CLVS1: variants seen among roughly 807,000 people sequenced by gnomAD.
The protein encoded by CLVS1 is clavesin-1.
CLVS1 carries 10 observed loss-of-function variants against 33.1 expected under a neutral mutation model. The observed-to-expected ratio is 0.30, with a 90% CI of 0.19 to 0.51. CLVS1 has a LOEUF of 0.51. Among genes scored for constraint, CLVS1 ranks in the 20% least tolerant of loss-of-function variants. The pLI is 0.97. For synonymous variants in CLVS1, 163 were observed against 166.1 expected (o/e 0.98, Z 0.14); for missense variants, 343 against 433.4 (o/e 0.79, Z 1.85).
At position 61,251,849 on chromosome 8, in the gene CLVS1, C is replaced by G. The variant is rs188283027; in HGVS notation, c.-151-47828C>G. On this transcript the variant is annotated intron_variant, in intron 2 of 2. Transcript: ENST00000522621. ...CTAGCAGTCTATCTATTTTGTTGAT[C>G]TTTTCAAAAAACCAGCTTCTGAATT... Among the ~76,000 whole-genome samples, 347 of 152,038 alleles carry G rather than the reference C, an allele frequency of 2.3e-3. 1 individual carries two copies. Among genetic ancestry groups the G allele is most frequent in the African/African-American group, 8.0e-3 (332 of 41,498 alleles).
At chr8:61,274,154 G>A (rs1261564312) in intron 2 of CLVS1, 1 of 152,192 alleles carries the variant, frequency 6.6e-6, no homozygotes, top group African/African-American at 2.4e-5. Flanking sequence ...CATGGTATTA[G>A]GCAATCAACA....
chr8:61,200,100 T>C (rs1438401933), intron 2 of CLVS1, among the ~76,000 whole-genome samples: 1 of 152,130 alleles, frequency 6.6e-6, no homozygotes, highest in Admixed American at 6.6e-5. Flanking sequence ...AAATTTTCCA[T>C]GGAAAAAACA....
At chr8:60,992,152 T>G in the CLVS1 span, among the ~76,000 whole-genome samples, 1 of 152,200 alleles carries the variant, frequency 6.6e-6, no homozygotes, top group African/African-American at 2.4e-5. Flanking sequence ...CCCTTTACTA[T>G]ATGCTCTCAA....
chr8:61,017,150 T>A, the CLVS1 span, among the ~76,000 whole-genome samples: 7 of 152,280 alleles, frequency 4.6e-5, no homozygotes, highest in East Asian at 1.4e-3. Flanking sequence ...CTGGTGGGAT[T>A]TTTGGGCTCA....
At chr8:61,168,214 C>A (rs1806920894) in intron 2 of CLVS1, among the ~76,000 whole-genome samples, 1 of 152,212 alleles carries the variant, frequency 6.6e-6, no homozygotes, top group South Asian at 2.1e-4. Flanking sequence ...CACTAGCCCT[C>A]TTTTTGGGGT....
intron 2 of CLVS1, among the ~76,000 whole-genome samples, chr8:61,158,770 G>T (rs1806696570): frequency 6.6e-6 from 1 of 152,122 alleles, no homozygotes; most frequent in Non-Finnish European, 1.5e-5. Flanking sequence ...AAAAAAATTT[G>T]CCACAGCATG....
intron 2 of CLVS1, among the ~76,000 whole-genome samples, chr8:61,171,095 C>T (rs191409763): frequency 4.5e-4 from 69 of 151,864 alleles, no homozygotes; most frequent in African/African-American, 1.4e-3. Flanking sequence ...GAATGAGTTT[C>T]GCAGCTTTCT....
At chr8:61,145,375 T>C (rs1375349046) in intron 2 of CLVS1, among the ~76,000 whole-genome samples, 1 of 152,184 alleles carries the variant, frequency 6.6e-6, no homozygotes, top group Non-Finnish European at 1.5e-5. Context: ...ACACATACAC[T>C]GAAATAAAAA....
chr8:61,272,605 A>C (rs1369417962), intron 2 of CLVS1, among the ~76,000 whole-genome samples: 1 of 152,120 alleles, frequency 6.6e-6, no homozygotes, highest in Non-Finnish European at 1.5e-5. Flanking sequence ...ACTTGGTTCC[A>C]TTCTCCCCAT....
chr8:61,168,499 T>C (rs1305213041), intron 2 of CLVS1, among the ~76,000 whole-genome samples: 2 of 152,202 alleles, frequency 1.3e-5, no homozygotes, highest in Non-Finnish European at 2.9e-5. Context: ...AGAAAATAAT[T>C]ATATTTTAGA....
the CLVS1 span, among the ~76,000 whole-genome samples, chr8:61,030,711 C>T: frequency 2.6e-5 from 4 of 152,194 alleles, no homozygotes; most frequent in African/African-American, 9.7e-5. Flanking sequence ...ATATTATGTG[C>T]CAGGCATCAG....
At chr8:61,067,549 C>CTATTTTTTA (rs1804705638) in intron 1 of CLVS1, among the ~76,000 whole-genome samples, 1 of 151,492 alleles carries the variant, frequency 6.6e-6, no homozygotes, top group South Asian at 2.1e-4. Flanking sequence ...AAAAAATCCA[C>CTATTTTTTA]AATAGTTCAA....
In CLVS1 at chr8:61,061,696, C is replaced by T. The variant is rs116759367; in HGVS notation, c.-243+4466C>T. On this transcript the variant is annotated intron_variant, in intron 1 of 2. Coordinates refer to the CLVS1 transcript ENST00000522621. The stretch of plus-strand genomic sequence containing the variant: ...CTAGATAAACCGGTTATCTTTTTTA[C>T]GGAATCAGAATGTGGAGCTCCTGTT... Among the ~76,000 whole-genome samples the T allele has an allele frequency of 4.6e-3, 697 of 151,746 alleles. 5 individuals carry two copies. The highest frequency in any genetic ancestry group is 0.016 in the African/African-American group (666 of 41,342).
chr8:61,164,803 C>A (rs1036222494), intron 2 of CLVS1, among the ~76,000 whole-genome samples: 1 of 152,174 alleles, frequency 6.6e-6, no homozygotes, highest in Non-Finnish European at 1.5e-5. Context: ...GCCTACTAAA[C>A]TTTTCGCACT....
intron 1 of CLVS1, among the ~76,000 whole-genome samples, chr8:61,075,655 A>T (rs1018538295): frequency 2.6e-5 from 4 of 151,980 alleles, no homozygotes; most frequent in African/African-American, 9.7e-5. Flanking sequence ...TTGGGCACTG[A>T]TTTCCCTCAG....
chr8:61,195,635 A>C (rs1057067830), intron 2 of CLVS1, among the ~76,000 whole-genome samples: 1 of 152,060 alleles, frequency 6.6e-6, no homozygotes, highest in African/African-American at 2.4e-5. Flanking sequence ...CATTAGATTC[A>C]TGCAATATGA....
chr8:60,998,698 C>G, the CLVS1 span, among the ~76,000 whole-genome samples: 1 of 151,964 alleles, frequency 6.6e-6, no homozygotes, highest in Non-Finnish European at 1.5e-5. Flanking sequence ...TAAATATGAC[C>G]CTGAAAGTCT....
chr8:61,291,917 T>G (rs1239536299), intron 1 of CLVS1: 2 of 172,918 alleles, frequency 1.2e-5, no homozygotes, highest in African/African-American at 4.8e-5. Flanking sequence ...TTAACCTACC[T>G]CTCAACCCCT....
intron 1 of CLVS1, among the ~76,000 whole-genome samples, chr8:61,057,532 C>G (rs1329859932): frequency 1.3e-5 from 2 of 152,068 alleles, no homozygotes; most frequent in African/African-American, 4.8e-5. Context: ...TTCTCCTGAG[C>G]TAAGTTTATG....
Sources: allele counts gnomAD v4.1 joint callset (sites outside exome capture counted in the v4.1 genomes callset), GRCh38; gene constraint gnomAD v4.1.1; transcripts MANE v1.5; gene names NCBI Gene and HGNC (gene_info 2026-07-23, HGNC 2026-07-21).